The following PRKAR1A variants were observed in gnomAD, a reference collection of about 807,000 sequenced individuals.
PRKAR1A encodes cAMP-dependent protein kinase type I-alpha regulatory subunit.
A neutral mutation model predicts 52.0 loss-of-function variants in PRKAR1A; 3 were observed. The ratio of observed to expected loss-of-function variants is 0.06; its 90% confidence interval spans 0.03 to 0.15. PRKAR1A has a LOEUF of 0.15. Among genes scored for constraint, PRKAR1A ranks in the 10% least tolerant of loss-of-function variants. The pLI is 1.00. For synonymous variants in PRKAR1A, 188 were observed against 168.4 expected, an observed-to-expected ratio of 1.12 and a Z score of -0.90; for missense variants, 240 against 477.4, an observed-to-expected ratio of 0.50 and a Z score of 4.63.
chr17:68,456,566 A>G, the PRKAR1A span, among the ~76,000 whole-genome samples: 1 of 152,232 alleles, frequency 6.6e-6, no homozygotes, highest in African/African-American at 2.4e-5. Flanking sequence ...ACTTCAGCCC[A>G]GCTCCCTCTC....
At chr17:68,430,297 C>A in the PRKAR1A span, 1 of 814,002 alleles carries the variant, frequency 1.2e-6, no homozygotes, top group South Asian at 1.9e-5. Context: ...GTTCTGCCCA[C>A]TGAGAACAAT....
chr17:68,503,621 G>T, the PRKAR1A span, among the ~76,000 whole-genome samples: 3 of 152,166 alleles, frequency 2.0e-5, no homozygotes, highest in Non-Finnish European at 2.9e-5. Flanking sequence ...CAACTATGTG[G>T]CATTCTGCAA....
chr17:68,516,065 G>T (rs2085423064), intron 2 of PRKAR1A, among the ~76,000 whole-genome samples: 2 of 152,056 alleles, frequency 1.3e-5, no homozygotes, highest in South Asian at 2.1e-4. Flanking sequence ...GTCTATTTTA[G>T]TATAGAGTAT....
the PRKAR1A span, among the ~76,000 whole-genome samples, chr17:68,504,153 T>C: frequency 6.6e-6 from 1 of 152,134 alleles, no homozygotes; most frequent in Admixed American, 6.5e-5. Flanking sequence ...TGTCTGTCAA[T>C]AGATGAGTGG....
At chr17:68,419,850 T>C in the PRKAR1A span, among the ~76,000 whole-genome samples, 2 of 150,996 alleles carry the variant, frequency 1.3e-5, no homozygotes, top group African/African-American at 4.9e-5. Flanking sequence ...CCCATCTACT[T>C]GGGAGGCTGA....
At chr17:68,530,106 T>C (rs1186068153) in intron 10 of PRKAR1A, 105 bp downstream of exon 10, 19 of 1,492,386 alleles carry the variant, frequency 1.3e-5, no homozygotes, top group Non-Finnish European at 1.7e-5. Context: ...TTTTATTTTC[T>C]AACTGCAGTC....
At chr17:68,549,385 T>C (rs2143626121) in intron 11 of PRKAR1A, among the ~76,000 whole-genome samples, 1 of 152,036 alleles carries the variant, frequency 6.6e-6, no homozygotes, top group Non-Finnish European at 1.5e-5. Context: ...TCCCAGCTAC[T>C]TGGGAGGCTG....
chr17:68,519,898 T>C (rs2085551396), intron 2 of PRKAR1A, among the ~76,000 whole-genome samples: 1 of 152,204 alleles, frequency 6.6e-6, no homozygotes. Flanking sequence ...TTCAGCATTT[T>C]ATAGACATAG....
At chr17:68,492,388 C>T in the PRKAR1A span, among the ~76,000 whole-genome samples, 3 of 152,216 alleles carry the variant, frequency 2.0e-5, no homozygotes, top group Non-Finnish European at 4.4e-5. Context: ...TTGGTGCAGA[C>T]CCCAAGGTTC....
the PRKAR1A span, among the ~76,000 whole-genome samples, chr17:68,417,733 ATT>A: frequency 4.9e-3 from 299 of 60,652 alleles, no homozygotes; most frequent in African/African-American, 0.018. Flanking sequence ...GAGTTGCTGA[ATT>A]TTTTTTTTTT....
At chr17:68,477,367 G>A in the PRKAR1A span, among the ~76,000 whole-genome samples, 2 of 152,074 alleles carry the variant, frequency 1.3e-5, no homozygotes, top group South Asian at 4.1e-4. Flanking sequence ...TCAGAGCCAA[G>A]ACTCACTATG....
chr17:68,421,753 T>C, the PRKAR1A span: 5 of 1,614,220 alleles, frequency 3.1e-6, no homozygotes, highest in South Asian at 5.5e-5. Flanking sequence ...GATGTCCTGA[T>C]TTCTGAGGTG....
chr17:68,478,049 A>G, the PRKAR1A span, among the ~76,000 whole-genome samples: 3 of 152,230 alleles, frequency 2.0e-5, no homozygotes, highest in African/African-American at 7.2e-5. Flanking sequence ...GTAAGCTTTA[A>G]CAAACTGTAC....
In PRKAR1A at chr17:68,530,881, G is replaced by GT; in HGVS notation, c.*432_*433insT. ...TGCTGTATTTCTTTGTAGAATAAAT[G>GT]GTTTCTCATTAAACTCTAAAGATTA... On this transcript the variant is annotated 3_prime_UTR_variant, in exon 11 of 11. Coordinates refer to ENST00000589228, the MANE Select transcript of PRKAR1A (RefSeq NM_002734.5). 8.8e-7 allele frequency: 1 copy of GT among 1,134,482 alleles called. No homozygotes were observed. The allele number at this position is 1,134,482 out of a possible 1,614,324, so 70.3% of individuals were successfully genotyped here. A position where few individuals can be genotyped will look rare whatever the true frequency, so the allele number is the denominator to read the frequency against.
chr17:68,530,657 T>C lies in PRKAR1A; in HGVS notation c.*208T>C. 7 of 1,462,732 alleles carry C rather than the reference T, an allele frequency of 4.8e-6. No individual in the cohort carries two copies. Among genetic ancestry groups the C allele is most frequent in the Non-Finnish European group, 6.3e-6 (7 of 1,109,914 alleles). The allele number at this position is 1,462,732 out of a possible 1,614,324, so 90.6% of individuals were successfully genotyped here. Reference sequence around the variant, plus strand: ...TACACAGTTAAATAAATAGAAAGAGTTCTATGGAGACTTTGCTGTTACTGC... The same window carrying C: ...TACACAGTTAAATAAATAGAAAGAGCTCTATGGAGACTTTGCTGTTACTGC... On this transcript the variant is annotated 3_prime_UTR_variant, in exon 11 of 11. Coordinates refer to ENST00000589228, the MANE Select transcript of PRKAR1A (RefSeq NM_002734.5).
rs1338951721 is a variant in PRKAR1A at position 68,531,277 on chromosome 17, A to C, written c.*828A>C. ...TAATTGATCAGATGCTGAATTGAGA[A>C]TAAGAATTTGAGGTCTACATTCTTG... On this transcript the variant is annotated 3_prime_UTR_variant, in exon 11 of 11. Transcript: ENST00000589228. The C allele has an allele frequency of 1.9e-6, 2 of 1,066,136 alleles. No homozygotes were observed. The highest frequency in any genetic ancestry group is 2.3e-6 in the Non-Finnish European group (2 of 879,544). The allele number at this position is 1,066,136 out of a possible 1,614,324, so 66.0% of individuals were successfully genotyped here.
downstream of PRKAR1A, among the ~76,000 whole-genome samples, chr17:68,534,571 T>C (rs910693914): frequency 1.3e-5 from 2 of 151,594 alleles, no homozygotes; most frequent in South Asian, 2.1e-4. Flanking sequence ...TTTTTTTTTT[T>C]TTTTTTTGCA....
intron 5 of PRKAR1A, 33 bp downstream of exon 5, chr17:68,524,110 G>A (rs2085707078): frequency 1.9e-6 from 3 of 1,608,080 alleles, no homozygotes; most frequent in Non-Finnish European, 2.6e-6. Context: ...ATATTGTTAC[G>A]GGAGAGGAGG....
At chr17:68,421,748 C>T in the PRKAR1A span, 6 of 1,614,046 alleles carry the variant, frequency 3.7e-6, no homozygotes, top group African/African-American at 2.7e-5. Context: ...GGGGGGATGT[C>T]CTGATTTCTG....
Sources: gnomAD v4.1 joint callset for allele counts (sites outside exome capture counted in the v4.1 genomes callset) on GRCh38, gnomAD v4.1.1 for gene constraint, MANE v1.5 for transcripts, NCBI Gene and HGNC (gene_info 2026-07-23, HGNC 2026-07-21) for gene names.